GRAMD4: variants seen among roughly 807,000 people sequenced by gnomAD.
GRAMD4 encodes the protein GRAM domain containing 4, also known as GRAM domain-containing protein 4.
GRAMD4 carries 25 observed loss-of-function variants against 83.9 expected under a neutral mutation model. That is an observed-to-expected ratio of 0.30 (90% confidence interval 0.22 to 0.42). The LOEUF is 0.42. Among genes scored for constraint, GRAMD4 ranks in the 10% least tolerant of loss-of-function variants. The pLI is 1.00. For missense variants in GRAMD4, 593 were observed against 788.7 expected, an observed-to-expected ratio of 0.75 and a Z score of 2.97; for synonymous variants, 336 against 320.9, an observed-to-expected ratio of 1.05 and a Z score of -0.50.
At chr22:46,658,087 C>A (rs2082270578) in intron 3 of GRAMD4, 100 bp from the exon 4 acceptor site, 1 of 1,401,238 alleles carries the variant, frequency 7.1e-7, no homozygotes, top group South Asian at 1.2e-5. Flanking sequence ...GAGCAGAGAC[C>A]CCTCTGCTGT....
At chr22:46,675,144 ATGTCTTATGCAGAGCAGTGGCCGTGAG>A (rs1233106686) in intron 16 of GRAMD4, among the ~76,000 whole-genome samples, 2 of 149,934 alleles carry the variant, frequency 1.3e-5, no homozygotes, top group African/African-American at 4.9e-5. Flanking sequence ...GTGGCTGTGA[ATGTCTTATGCAGAGCAGTGGCCGTGAG>A]TGTCTCACTC....
At position 46,626,839 on chromosome 22, in the gene GRAMD4, A is replaced by C. The variant is rs1259439018; in HGVS notation, c.40A>C (p.Lys14Gln). The C allele has an allele frequency of 6.2e-7, 1 of 1,613,914 alleles. No homozygotes were observed. Residue 14 changes from lysine (K) to glutamine (Q), a missense_variant, in exon 2 of 19, where the codon AAG (lysine) becomes CAG (glutamine). Around this residue, in one of 4 missense-constraint regions of GRAMD4, gnomAD observed 312 missense variants for 350.7 expected, o/e 0.89. Transcript: ENST00000406902. The stretch of plus-strand genomic sequence containing the variant: ...GGACAAAATCAGGTTCAGAGGTCAC[A>C]AGAGAGATGACTTCCTCGATCTAGC... ...RLDKIRFRGHKRDDFLDLAES... is the reference protein window; with the variant it reads ...RLDKIRFRGHQRDDFLDLAES...
chr22:46,580,967 CAAAAA>C (rs558020415), intron 1 of GRAMD4, among the ~76,000 whole-genome samples: 2 of 86,948 alleles, frequency 2.3e-5, no homozygotes, highest in Non-Finnish European at 4.8e-5. Flanking sequence ...AACTCCATCT[CAAAAA>C]AAAAAAAAAA....
intron 4 of GRAMD4, 69 bp from the exon 5 acceptor site, chr22:46,661,312 G>C (rs2082323374): frequency 3.2e-6 from 4 of 1,248,960 alleles, no homozygotes; most frequent in Non-Finnish European, 4.7e-6. Context: ...AGAGCCCTCG[G>C]GGGTGCCTGA....
Position 46,595,894 on chromosome 22 carries a change from C to A in GRAMD4, c.-50+18604C>A, listed in dbSNP as rs547956467. Among the ~76,000 whole-genome samples, 9 of 152,032 alleles carry A rather than the reference C, an allele frequency of 5.9e-5. No individual in the cohort carries two copies. In the South Asian group the frequency reaches 1.9e-3, roughly 32 times the overall value. ...TACCCTGGCCACCTTCCCAGCTTACCCAGGGAGGCTGAGGAGTGGGTGCAC... is the reference window on the plus strand; with the variant it reads ...TACCCTGGCCACCTTCCCAGCTTACACAGGGAGGCTGAGGAGTGGGTGCAC... On this transcript the variant is annotated intron_variant, in intron 1 of 1. Coordinates refer to the GRAMD4 transcript ENST00000431155.
intron 3 of GRAMD4, among the ~76,000 whole-genome samples, chr22:46,649,202 T>C (rs1359510743): frequency 6.6e-6 from 1 of 152,128 alleles, no homozygotes; most frequent in Admixed American, 6.5e-5. Context: ...TTGGGGAGTG[T>C]CCCTGATTGC....
intron 3 of GRAMD4, among the ~76,000 whole-genome samples, chr22:46,646,608 C>G (rs1467185975): frequency 2.0e-5 from 3 of 152,192 alleles, no homozygotes; most frequent in Non-Finnish European, 4.4e-5. Context: ...CTTTTGAGGC[C>G]TGATGGAGAC....
intron 1 of GRAMD4, among the ~76,000 whole-genome samples, 182 bp from the exon 2 acceptor site, chr22:46,626,569 C>T (rs1216701643): frequency 6.8e-6 from 1 of 146,164 alleles, no homozygotes; most frequent in South Asian, 2.1e-4. Flanking sequence ...ACCGGCCGTG[C>T]CCTGCGTGTG....
chr22:46,600,972 C>G (rs575978059), intron 1 of GRAMD4, among the ~76,000 whole-genome samples: 2 of 151,970 alleles, frequency 1.3e-5, no homozygotes, highest in Non-Finnish European at 2.9e-5. Flanking sequence ...GGTGAAATCC[C>G]GTCTCTACTA....
intron 1 of GRAMD4, among the ~76,000 whole-genome samples, chr22:46,588,325 CCTGT>C (rs1462610245): frequency 1.3e-5 from 2 of 152,214 alleles, no homozygotes; most frequent in Admixed American, 6.5e-5. Flanking sequence ...CACCTCCGTC[CCTGT>C]CTGGCTGTCC....
chr22:46,577,189 C>G, exon 1 of GRAMD4: 1 of 725,014 alleles, frequency 1.4e-6, no homozygotes, highest in Non-Finnish European at 1.7e-6. Context: ...CTCCCCGGCG[C>G]CGCTGGGCTC....
chr22:46,643,084 TATCCATCC>T (rs61391783), intron 3 of GRAMD4, among the ~76,000 whole-genome samples: 18,444 of 75,998 alleles, frequency 0.24, 1,610 homozygotes, highest in East Asian at 0.35. Flanking sequence ...TCTATCCATT[TATCCATCC>T]ATCCATCCAT....
chr22:46,648,803 C>CATGGATGG lies in GRAMD4; in HGVS notation c.284-9348_284-9341dup, dbSNP rs34423766. Among the ~76,000 whole-genome samples the CATGGATGG allele has an allele frequency of 1.5e-3, 40 of 27,240 alleles. 2 individuals are homozygous for CATGGATGG. Among genetic ancestry groups the CATGGATGG allele is most frequent in the African/African-American group, 2.3e-3 (14 of 6,058 alleles). The allele number at this position is 27,240 out of a possible 152,430, so 17.9% of individuals were successfully genotyped here. ...GGATGGATGGATGGATGGATGGATG[C>CATGGATGG]ATGGATGGATGGATGGATGGATGGA... On this transcript the variant is annotated intron_variant, in intron 3 of 18. Transcript: ENST00000406902.
upstream of GRAMD4, among the ~76,000 whole-genome samples, chr22:46,616,649 T>TCC (rs2081500942): frequency 7.5e-6 from 1 of 133,554 alleles, no homozygotes; most frequent in Non-Finnish European, 1.6e-5. Flanking sequence ...CGTTCCCCTG[T>TCC]GTGTACGTTC....
chr22:46,668,990 G>A, intron 13 of GRAMD4, 82 bp downstream of exon 13: 1 of 789,208 alleles, frequency 1.3e-6, no homozygotes, highest in Non-Finnish European at 2.2e-6. Context: ...CCAGGTGTCT[G>A]CAAGAGCTGT....
intron 3 of GRAMD4, among the ~76,000 whole-genome samples, chr22:46,638,239 C>T (rs183319919): frequency 5.9e-5 from 9 of 152,280 alleles, no homozygotes; most frequent in Middle Eastern, 3.4e-3. Flanking sequence ...CTTTCCCCTG[C>T]GGGGTAAAGG....
At chr22:46,616,786 C>CTGTGTGTAGGTTCCCCTG (rs2081504309), upstream of GRAMD4, among the ~76,000 whole-genome samples, 1 of 138,668 alleles carries the variant, frequency 7.2e-6, no homozygotes, top group African/African-American at 2.8e-5. Context: ...GCAGGTTCCC[C>CTGTGTGTAGGTTCCCCTG]TGTGTGTAGG....
At chr22:46,674,916 G>A (rs929947685) in intron 16 of GRAMD4, among the ~76,000 whole-genome samples, 166 bp downstream of exon 16, 2 of 152,242 alleles carry the variant, frequency 1.3e-5, no homozygotes, top group South Asian at 2.1e-4. Context: ...GGGAAAAGGT[G>A]TTGTCTCCAA....
intron 3 of GRAMD4, among the ~76,000 whole-genome samples, chr22:46,646,944 C>G (rs543371420): frequency 6.6e-6 from 1 of 152,144 alleles, no homozygotes; most frequent in Non-Finnish European, 1.5e-5. Context: ...GAAACTCCCC[C>G]TTATAAAACC....
Sources: allele counts gnomAD v4.1 joint callset (sites outside exome capture counted in the v4.1 genomes callset), GRCh38; gene constraint gnomAD v4.1.1; regional missense constraint gnomAD v4.1.1; transcripts MANE v1.5; gene names NCBI Gene and HGNC (gene_info 2026-07-23, HGNC 2026-07-21).